MAD1L1: variants seen among roughly 807,000 people sequenced by gnomAD.
MAD1L1 encodes the protein mitotic spindle assembly checkpoint protein MAD1.
Under a neutral mutation model 96.9 loss-of-function variants are expected in MAD1L1, and 95 were observed. The ratio of observed to expected loss-of-function variants is 0.98; its 90% confidence interval spans 0.83 to 1.16. The LOEUF (loss-of-function observed/expected upper bound fraction) is 1.16, where lower values mean the gene tolerates loss of function less well. Ranked by LOEUF, MAD1L1 falls within the 50% of genes most tolerant of loss-of-function variation. The pLI, the probability that MAD1L1 is intolerant of heterozygous loss-of-function variation, is 0.00. For synonymous variants in MAD1L1, 473 were observed against 396.6 expected (o/e 1.19, Z -2.29); for missense variants, 1,007 against 954.4 (o/e 1.06, Z -0.73).
intron 11 of MAD1L1, among the ~76,000 whole-genome samples, chr7:2,100,357 T>G (rs994789160): frequency 1.3e-5 from 2 of 152,240 alleles, no homozygotes; most frequent in African/African-American, 4.8e-5. Flanking sequence ...TTCTGACAGA[T>G]AGTAAGAAGC....
At chr7:1,951,362 C>T (rs942537472) in intron 16 of MAD1L1, among the ~76,000 whole-genome samples, 2 of 152,322 alleles carry the variant, frequency 1.3e-5, no homozygotes, top group African/African-American at 2.4e-5. Context: ...TCACCTCAAG[C>T]GCCCTGCCCC....
At chr7:1,908,536 C>G (rs12537348) in intron 17 of MAD1L1, among the ~76,000 whole-genome samples, 46,054 of 151,992 alleles carry the variant, frequency 0.3, 8,322 homozygotes, top group East Asian at 0.46. Context: ...GAGCACACCA[C>G]CACACTGGGC....
chr7:2,195,663 G>T (rs948570693), intron 10 of MAD1L1, among the ~76,000 whole-genome samples: 1 of 152,206 alleles, frequency 6.6e-6, no homozygotes, highest in African/African-American at 2.4e-5. Context: ...AGCCACCTCC[G>T]CGAACAAGAT....
At chr7:2,059,490 AGAG>A (rs774886836) in intron 12 of MAD1L1, among the ~76,000 whole-genome samples, 22 of 148,372 alleles carry the variant, frequency 1.5e-4, no homozygotes, top group Non-Finnish European at 2.7e-4. Context: ...GATTGTGGCC[AGAG>A]GAGAGGAAAG....
chr7:1,844,262 G>A (rs551909415), intron 18 of MAD1L1: 1 of 154,444 alleles, frequency 6.5e-6, no homozygotes, highest in South Asian at 2.0e-4. Context: ...GGGGAGAAGT[G>A]TGGTGGTCCC....
rs1049367738 is a variant in MAD1L1 at position 2,098,219 on chromosome 7, C to A, written c.1074-28881G>T. On this transcript the variant is annotated intron_variant, in intron 11 of 18. Coordinates refer to ENST00000265854, the MANE Select transcript of MAD1L1 (RefSeq NM_001013836.2). ...GAGGCCCCAGGACTGGGGCTGACTG[C>A]ACAGCGCCGTCCTCTGCCAAAGCCC... Among the ~76,000 whole-genome samples, 7 of 152,310 alleles carry A rather than the reference C, an allele frequency of 4.6e-5. No individual in the cohort carries two copies. The South Asian group carries it at 1.4e-3, about 32-fold the overall frequency.
intron 11 of MAD1L1, among the ~76,000 whole-genome samples, chr7:2,110,336 G>T (rs535853384): frequency 2.0e-5 from 3 of 152,224 alleles, no homozygotes; most frequent in Non-Finnish European, 2.9e-5. Context: ...ACAACCAAGC[G>T]AGCAGCTGCC....
chr7:2,012,556 G>A (rs944201768), intron 13 of MAD1L1, among the ~76,000 whole-genome samples: 1 of 152,202 alleles, frequency 6.6e-6, no homozygotes, highest in South Asian at 2.1e-4. Flanking sequence ...CTGCACGCAC[G>A]GGATGGCTAG....
At chr7:2,059,035 G>C (rs1784512008) in intron 12 of MAD1L1, among the ~76,000 whole-genome samples, 1 of 128,008 alleles carries the variant, frequency 7.8e-6, no homozygotes, top group African/African-American at 3.0e-5. Context: ...CAGGGCTGGA[G>C]AGGGAGTGTG....
rs756697624 is a variant in MAD1L1 at position 1,828,711 on chromosome 7, G to A, written c.1999-12483C>T. Among the ~76,000 whole-genome samples, 5 of 150,760 alleles carry A rather than the reference G, an allele frequency of 3.3e-5. No individual in the cohort carries two copies. In the South Asian group the frequency reaches 6.6e-4, roughly 20 times the overall value. Reference sequence around the variant, plus strand: ...AATATTTATAGGAACACACACACACGTGCATGCACAGGCACACGCACACAT... The same window carrying A: ...AATATTTATAGGAACACACACACACATGCATGCACAGGCACACGCACACAT... On this transcript the variant is annotated intron_variant, in intron 18 of 18. Transcript: ENST00000265854.
intron 10 of MAD1L1, among the ~76,000 whole-genome samples, chr7:2,196,724 A>C (rs1260804815): frequency 6.6e-6 from 1 of 152,268 alleles, no homozygotes; most frequent in Non-Finnish European, 1.5e-5. Flanking sequence ...AAAAACAGGG[A>C]GAGTCTGGCC....
At chr7:1,839,869 G>A (rs980641604) in intron 18 of MAD1L1, among the ~76,000 whole-genome samples, 3 of 151,780 alleles carry the variant, frequency 2.0e-5, no homozygotes, top group Non-Finnish European at 4.4e-5. Context: ...GTCCACCCAC[G>A]GCCAGGGCCC....
chr7:2,097,913 C>T (rs1442481532), intron 11 of MAD1L1, among the ~76,000 whole-genome samples: 1 of 152,236 alleles, frequency 6.6e-6, no homozygotes, highest in Non-Finnish European at 1.5e-5. Flanking sequence ...AGAAGGGGTG[C>T]CCCTGCTGTA....
intron 15 of MAD1L1, among the ~76,000 whole-genome samples, chr7:1,972,492 T>TA (rs1780449041): frequency 6.6e-6 from 1 of 152,200 alleles, no homozygotes; most frequent in African/African-American, 2.4e-5. Flanking sequence ...ACCCTCTGCT[T>TA]AATGGCTACA....
Position 2,014,537 on chromosome 7 carries a change from C to T in MAD1L1, c.1324G>A (p.Val442Met), listed in dbSNP as rs1295558029. ...GCGCTGTGGCTGTGCACCTTCTGCA[C>T]CATATCCTCAGCCTCCCGCATGCGC... Reference protein sequence around the residue: ...TRRMREAEDMVQKVHSHSAEM... With the variant: ...TRRMREAEDMMQKVHSHSAEM... The change falls in exon 13 of 19, where the codon GTG becomes ATG. Residue 442 changes from valine (V) to methionine (M), a missense_variant. Coordinates refer to ENST00000265854, the MANE Select transcript of MAD1L1 (RefSeq NM_001013836.2). 1 of 1,608,918 alleles carries T rather than the reference C, an allele frequency of 6.2e-7. No individual in the cohort carries two copies. The highest frequency in any genetic ancestry group is 8.5e-7 in the Non-Finnish European group (1 of 1,179,564).
chr7:1,869,116 C>T (rs924668364), intron 18 of MAD1L1, among the ~76,000 whole-genome samples: 2 of 152,146 alleles, frequency 1.3e-5, no homozygotes, highest in Non-Finnish European at 1.5e-5. Context: ...ATCCGAGCAA[C>T]GATCCATGCC....
intron 18 of MAD1L1, among the ~76,000 whole-genome samples, chr7:1,878,561 C>A (rs1785504383): frequency 7.4e-6 from 1 of 135,252 alleles, no homozygotes; most frequent in African/African-American, 2.8e-5. Context: ...ATATGAACAT[C>A]TCAATAGATG....
At chr7:2,196,655 G>A (rs1792001228) in intron 10 of MAD1L1, among the ~76,000 whole-genome samples, 1 of 152,216 alleles carries the variant, frequency 6.6e-6, no homozygotes, top group African/African-American at 2.4e-5. Context: ...CAAAATCACA[G>A]TGCTACCCAC....
rs1794115573 is a variant in MAD1L1, at chr7:2,230,050, G to C, written c.84C>G (p.Gly28=). The C allele has an allele frequency of 6.2e-7, 1 of 1,613,734 alleles. No individual in the cohort carries two copies. The highest frequency in any genetic ancestry group is 8.5e-7 in the Non-Finnish European group (1 of 1,179,922). The change falls in exon 3 of 19, where the codon GGC becomes GGG. Residue 28 remains glycine (G), a synonymous_variant. Transcript: ENST00000265854. ...CCGAGGTAGAAATATCCAGTCCAGA[G>C]CCTCCCTCCACACGCTGAGAGATGA... ...NNFISQRVEG[G]SGLDISTSAP...
Sources: gnomAD v4.1 joint callset for allele counts (sites outside exome capture counted in the v4.1 genomes callset) on GRCh38, gnomAD v4.1.1 for gene constraint, MANE v1.5 for transcripts, NCBI Gene and HGNC (gene_info 2026-07-23, HGNC 2026-07-21) for gene names.